The following OSBPL5 variants were observed in gnomAD, a reference collection of about 807,000 sequenced individuals.
The protein encoded by OSBPL5 is oxysterol binding protein like 5.
A neutral mutation model predicts 111.2 loss-of-function variants in OSBPL5; 71 were observed. The observed-to-expected ratio is 0.64, with a 90% CI of 0.53 to 0.78. The LOEUF is 0.78. Among genes scored for constraint, OSBPL5 ranks in the 30% least tolerant of loss-of-function variants. OSBPL5 has a pLI of 0.00. For missense variants in OSBPL5, 1,210 were observed against 1,189.3 expected (o/e 1.02, Z -0.26); for synonymous variants, 549 against 513.9 (o/e 1.07, Z -0.93).
intron 1 of OSBPL5, among the ~76,000 whole-genome samples, chr11:3,148,198 C>T (rs899556874): frequency 1.3e-5 from 2 of 152,234 alleles, no homozygotes; most frequent in Non-Finnish European, 2.9e-5. Flanking sequence ...GGAAACCGCA[C>T]CTGCTGACTT....
At position 3,130,602 on chromosome 11, in the gene OSBPL5, T is replaced by C. The variant is rs1304901958; in HGVS notation, c.-21-1433A>G. Among the ~76,000 whole-genome samples, 2 of 152,152 alleles carry C rather than the reference T, an allele frequency of 1.3e-5. No individual in the cohort carries two copies. The highest frequency in any genetic ancestry group is 2.9e-5 in the Non-Finnish European group (2 of 68,012). On this transcript the variant is annotated intron_variant, in intron 1 of 21. Coordinates refer to ENST00000263650, the MANE Select transcript of OSBPL5 (RefSeq NM_020896.4). The surrounding 1 kb of genome is among the most constrained non-coding windows in gnomAD (Gnocchi z 4.5). ...GCCAGCCCCTCCCTCACCTGGCCCC[T>C]GGCTCGGCTCATGACCTTGGCCATC...
intron 1 of OSBPL5, among the ~76,000 whole-genome samples, chr11:3,133,187 C>G (rs1334547109): frequency 6.6e-6 from 1 of 152,254 alleles, no homozygotes; most frequent in Non-Finnish European, 1.5e-5. Flanking sequence ...AGGGTGTGAG[C>G]TGCTGAGGAA....
At chr11:3,135,162 C>CGG (rs1338236518) in intron 1 of OSBPL5, among the ~76,000 whole-genome samples, 1 of 152,212 alleles carries the variant, frequency 6.6e-6, no homozygotes, top group Admixed American at 6.5e-5. Flanking sequence ...TGCGCCCTGG[C>CGG]GGTGCTTCGC....
chr11:3,100,961 AG>A (rs1467396711), intron 13 of OSBPL5, among the ~76,000 whole-genome samples: 1 of 145,950 alleles, frequency 6.9e-6, no homozygotes, highest in African/African-American at 2.6e-5. Context: ...CTGCAGTTTC[AG>A]TTTCATTTCT....
At chr11:3,090,785 A>T in intron 19 of OSBPL5, 89 bp from the exon 20 acceptor site, 3 of 1,477,264 alleles carry the variant, frequency 2.0e-6, no homozygotes, top group Non-Finnish European at 2.7e-6. Flanking sequence ...ATGCCAGGAC[A>T]GTGCTAGAGG....
rs1308713357 is a variant in OSBPL5 at position 3,165,287 on chromosome 11, T to C, written c.-93A>G. 3 of 151,268 alleles carry C rather than the reference T, an allele frequency of 2.0e-5. No homozygotes were observed. The highest frequency in any genetic ancestry group is 4.4e-5 in the Non-Finnish European group (3 of 67,776). The allele number at this position is 151,268 out of a possible 1,614,324, so 9.4% of individuals were successfully genotyped here. ...GGGGGCTCCACTGGCGGCGCGGGCC[T>C]GGCTGCAGGAAATGCCAGCAGATGG... On this transcript the variant is annotated 5_prime_UTR_variant, in exon 1 of 22. Coordinates refer to ENST00000263650, the MANE Select transcript of OSBPL5 (RefSeq NM_020896.4). This position sits in a 1 kb window ranked among gnomAD's most constrained non-coding sequence, Gnocchi z 7.4.
intron 1 of OSBPL5, among the ~76,000 whole-genome samples, chr11:3,164,896 G>C (rs1200949571): frequency 6.6e-6 from 1 of 152,072 alleles, no homozygotes; most frequent in African/African-American, 2.4e-5. Flanking sequence ...CCACCAAGTG[G>C]GGAGCCGAGC....
At chr11:3,163,417 A>G (rs1397918572) in intron 1 of OSBPL5, among the ~76,000 whole-genome samples, 1 of 151,308 alleles carries the variant, frequency 6.6e-6, no homozygotes, top group East Asian at 2.0e-4. Context: ...CCCTCCCCCA[A>G]GCGTTACATG....
At chr11:3,159,712 G>A (rs58204949) in intron 1 of OSBPL5, among the ~76,000 whole-genome samples, 1,826 of 152,306 alleles carry the variant, frequency 0.012, 40 homozygotes, top group African/African-American at 0.042. Context: ...GGGTGGGGTG[G>A]CCCAGGACTA....
At chr11:3,096,984 G>GA (rs1857281861) in intron 14 of OSBPL5, among the ~76,000 whole-genome samples, 2 of 140,746 alleles carry the variant, frequency 1.4e-5, no homozygotes, top group African/African-American at 2.7e-5. Flanking sequence ...GGGGGAAGGT[G>GA]GGAGGAGGAG....
At chr11:3,116,195 A>C (rs1400289757) in intron 7 of OSBPL5, among the ~76,000 whole-genome samples, 2 of 152,196 alleles carry the variant, frequency 1.3e-5, no homozygotes, top group Non-Finnish European at 2.9e-5. Flanking sequence ...GTGTTCCAAA[A>C]TTATAGGAAA....
intron 1 of OSBPL5, among the ~76,000 whole-genome samples, chr11:3,160,292 G>A (rs1284881630): frequency 2.0e-5 from 3 of 152,206 alleles, no homozygotes; most frequent in African/African-American, 4.8e-5. Flanking sequence ...ACCAGGAGCT[G>A]CCCCAAAGCA....
chr11:3,163,148 A>T (rs1198417156), intron 1 of OSBPL5, among the ~76,000 whole-genome samples: 1 of 152,144 alleles, frequency 6.6e-6, no homozygotes, highest in Non-Finnish European at 1.5e-5. Context: ...CTCCGGGAGA[A>T]CCCTGAGCTG....
chr11:3,143,718 T>C (rs1409777932), intron 1 of OSBPL5, among the ~76,000 whole-genome samples: 1 of 152,214 alleles, frequency 6.6e-6, no homozygotes, highest in Non-Finnish European at 1.5e-5. Flanking sequence ...CCCGGTTTCC[T>C]GGGGCTCTTT....
intron 12 of OSBPL5, 74 bp from the exon 13 acceptor site, chr11:3,101,773 C>G: frequency 8.0e-7 from 1 of 1,252,064 alleles, no homozygotes; most frequent in East Asian, 2.4e-5. Context: ...CCAGCTTCCC[C>G]CAAAAAACCT....
rs573516377 is a variant in OSBPL5, at chr11:3,144,767, C to T, written c.-21-15598G>A. ...CCAACCCCCAGTCCCCCAAGGCGTCCCCACGCTCAGGCAGCCACCCTGGCG... is the reference window on the plus strand; with the variant it reads ...CCAACCCCCAGTCCCCCAAGGCGTCTCCACGCTCAGGCAGCCACCCTGGCG... On this transcript the variant is annotated intron_variant, in intron 1 of 21. Coordinates refer to ENST00000263650, the MANE Select transcript of OSBPL5 (RefSeq NM_020896.4). 5.9e-5 allele frequency among the ~76,000 whole-genome samples: 9 copies of T among 152,352 alleles called. No individual in the cohort carries two copies. The East Asian group carries it at 1.5e-3, about 26-fold the overall frequency.
intron 14 of OSBPL5, among the ~76,000 whole-genome samples, chr11:3,096,137 T>C (rs1181898886): frequency 6.6e-6 from 1 of 152,100 alleles, no homozygotes; most frequent in Admixed American, 6.5e-5. Flanking sequence ...GATGTAAACA[T>C]AGGACATCCA....
In OSBPL5 at chr11:3,105,141, A is replaced by G. The variant is rs1273622781; in HGVS notation, c.1060-764T>C. Among the ~76,000 whole-genome samples the G allele has an allele frequency of 6.6e-6, 1 of 152,090 alleles. No homozygotes were observed. The highest frequency in any genetic ancestry group is 1.5e-5 in the Non-Finnish European group (1 of 67,994). On this transcript the variant is annotated intron_variant, in intron 9 of 21. Transcript: ENST00000263650. The surrounding 1 kb of genome is among the most constrained non-coding windows in gnomAD (Gnocchi z 5.2). ...ACGGGGACCCTGGTCCTCCCCCTCC[A>G]CAGAGGGGACAAGTGACTTGTCCAA...
rs537805677 is a variant in OSBPL5, at chr11:3,090,621, C to T, written c.2335G>A (p.Gly779Arg). 33 of 1,613,064 alleles carry T rather than the reference C, an allele frequency of 2.0e-5. No homozygotes were observed. The highest frequency in any genetic ancestry group is 4.0e-5 in the African/African-American group (3 of 75,060). Residue 779 changes from glycine (G) to arginine (R), a missense_variant, in exon 20 of 22, where the codon GGA (glycine) becomes AGA (arginine). Transcript: ENST00000263650. ...TCTGGGCAGGACTCAGGCGTGGATC[C>T]GCTGCTCTCCGTGGCCTGGCTGTGG... ...SGHSQATESS[G>R]STPESCPELS...
Sources: gnomAD v4.1 joint callset for allele counts (sites outside exome capture counted in the v4.1 genomes callset) on GRCh38, gnomAD v4.1.1 for gene constraint, Gnocchi (gnomAD v3.1) non-coding constraint, MANE v1.5 for transcripts, NCBI Gene and HGNC (gene_info 2026-07-23, HGNC 2026-07-21) for gene names.